SAMD3: variants seen among roughly 807,000 people sequenced by gnomAD.
SAMD3 encodes sterile alpha motif domain containing 3.
A neutral mutation model predicts 58.5 loss-of-function variants in SAMD3; 63 were observed. The ratio of observed to expected loss-of-function variants is 1.08; its 90% CI spans 0.88 to 1.33. The LOEUF (loss-of-function observed/expected upper bound fraction) is 1.33. Ranked by LOEUF, SAMD3 falls within the 40% of genes most tolerant of loss-of-function variation. SAMD3 has a pLI of 0.00. For synonymous variants in SAMD3, 220 were observed against 210.3 expected (o/e 1.05, Z -0.40); for missense variants, 604 against 608.4 (o/e 0.99, Z 0.08).
chr6:130,156,422 A>G (rs1232921151), intron 8 of SAMD3, among the ~76,000 whole-genome samples: 2 of 152,206 alleles, frequency 1.3e-5, no homozygotes, highest in Non-Finnish European at 2.9e-5. Flanking sequence ...GTAAGAAAGG[A>G]AAAGTGCAGT....
intron 5 of SAMD3, among the ~76,000 whole-genome samples, chr6:130,202,780 T>C (rs1794757021): frequency 6.6e-6 from 1 of 152,194 alleles, no homozygotes; most frequent in Non-Finnish European, 1.5e-5. Flanking sequence ...CCTTTAGGCA[T>C]GAGGTTCTAC....
intron 2 of SAMD3, among the ~76,000 whole-genome samples, chr6:130,265,401 C>T (rs1434712597): frequency 6.6e-6 from 1 of 152,152 alleles, no homozygotes. Flanking sequence ...CTGGTCCATG[C>T]ACGGCCGAAG....
Position 130,197,262 on chromosome 6 carries a change from C to T in SAMD3, c.383+12233G>A, listed in dbSNP as rs539725780. ...ACTGTGCCCCAAAAAACTTGTCATC[C>T]CTACTATCTTCTGTCTAGTCATACT... is the stretch of plus-strand genomic sequence containing the variant. On this transcript the variant is annotated intron_variant, in intron 5 of 11. Coordinates refer to ENST00000439090, the MANE Select transcript of SAMD3 (RefSeq NM_001017373.4). Among the ~76,000 whole-genome samples the T allele has an allele frequency of 9.9e-5, 15 of 152,282 alleles. No individual in the cohort carries two copies. The South Asian group carries it at 1.2e-3, about 13-fold the overall frequency.
chr6:130,171,471 C>T (rs1241780041), intron 8 of SAMD3, among the ~76,000 whole-genome samples: 2 of 152,134 alleles, frequency 1.3e-5, no homozygotes, highest in Non-Finnish European at 2.9e-5. Context: ...TCATTATTTA[C>T]CCAGTATCAT....
chr6:130,219,394 G>T (rs1195279177), intron 1 of SAMD3, among the ~76,000 whole-genome samples: 1 of 152,084 alleles, frequency 6.6e-6, no homozygotes, highest in Admixed American at 6.5e-5. Context: ...ACCTGCATAA[G>T]TTCTTTAGTG....
intron 2 of SAMD3, among the ~76,000 whole-genome samples, chr6:130,298,199 T>C (rs1775632040): frequency 6.6e-6 from 1 of 152,106 alleles, no homozygotes; most frequent in Admixed American, 6.5e-5. Context: ...GCAGAAACAT[T>C]ACAAACCAAA....
intron 2 of SAMD3, among the ~76,000 whole-genome samples, chr6:130,290,309 C>T (rs1466298786): frequency 3.3e-5 from 5 of 152,172 alleles, no homozygotes; most frequent in African/African-American, 9.6e-5. Flanking sequence ...CCCACACTTG[C>T]CGGCTGGAAA....
chr6:130,350,832 A>G (rs967251667), intron 1 of SAMD3, among the ~76,000 whole-genome samples: 15 of 152,330 alleles, frequency 9.8e-5, no homozygotes, highest in African/African-American at 2.9e-4. Context: ...ACTATACTAC[A>G]AGGCTACAGT....
At chr6:130,214,621 A>G (rs984698681) in intron 3 of SAMD3, 95 bp from the exon 4 acceptor site, 2 of 792,826 alleles carry the variant, frequency 2.5e-6, no homozygotes, top group Non-Finnish European at 1.9e-6. Context: ...TAAAAGGATC[A>G]TCTAAACTTG....
At chr6:130,363,041 C>T (rs1277293576) in intron 1 of SAMD3, among the ~76,000 whole-genome samples, 1 of 152,124 alleles carries the variant, frequency 6.6e-6, no homozygotes, top group African/African-American at 2.4e-5. Flanking sequence ...AGTTCATTTT[C>T]TTTATTGACT....
chr6:130,162,044 A>G, intron 8 of SAMD3: 1 of 464,386 alleles, frequency 2.2e-6, no homozygotes, highest in Non-Finnish European at 3.8e-6. Context: ...TGTAGGACTC[A>G]CCTTTGAGAT....
chr6:130,357,404 G>A (rs1338712402), intron 1 of SAMD3, among the ~76,000 whole-genome samples: 1 of 151,994 alleles, frequency 6.6e-6, no homozygotes, highest in African/African-American at 2.4e-5. Context: ...GATTACAGGC[G>A]TGAGCCACCA....
chr6:130,179,871 C>T (rs76574643), intron 7 of SAMD3, among the ~76,000 whole-genome samples: 4,281 of 137,140 alleles, frequency 0.031, 76 homozygotes, highest in Non-Finnish European at 0.033. Flanking sequence ...TAGAGTACGA[C>T]GACACTGATC....
chr6:130,354,062 A>G (rs1028921532), intron 1 of SAMD3, among the ~76,000 whole-genome samples: 2 of 152,242 alleles, frequency 1.3e-5, no homozygotes, highest in African/African-American at 2.4e-5. Flanking sequence ...GCCAACGAGC[A>G]TATGAAAACA....
intron 1 of SAMD3, among the ~76,000 whole-genome samples, chr6:130,340,048 T>A (rs1243845568): frequency 6.6e-6 from 1 of 152,232 alleles, no homozygotes; most frequent in East Asian, 1.9e-4. Context: ...TCTCCACTAA[T>A]CTTACTGAGG....
rs141929084 is a variant in SAMD3, at chr6:130,183,122, GA to G, written c.654+980del. 188 of 314,998 alleles carry G rather than the reference GA, an allele frequency of 6.0e-4. 1 individual carries two copies. The East Asian group carries it at 0.015, about 26-fold the overall frequency. The allele number at this position is 314,998 out of a possible 1,614,324, so 19.5% of individuals were successfully genotyped here. A position where few individuals can be genotyped will look rare whatever the true frequency, so the allele number is the denominator to read the frequency against. The stretch of plus-strand genomic sequence containing the variant: ...AGGTTCAAACAGCAAACTTTGTGTT[GA>G]AACGTCAGCGGCAGTGGTTCTCAGC... On this transcript the variant is annotated intron_variant, in intron 7 of 11. Coordinates refer to ENST00000439090, the MANE Select transcript of SAMD3 (RefSeq NM_001017373.4).
chr6:130,218,824 C>T (rs1265459735), intron 1 of SAMD3, among the ~76,000 whole-genome samples: 2 of 151,956 alleles, frequency 1.3e-5, no homozygotes, highest in African/African-American at 4.8e-5. Context: ...CAGAAAAAAA[C>T]GAGTCATGTT....
intron 2 of SAMD3, chr6:130,215,530 TCACCTTCTC>T: frequency 7.5e-7 from 1 of 1,334,138 alleles, no homozygotes; most frequent in South Asian, 2.3e-5. Flanking sequence ...TCAAATTTCT[TCACCTTCTC>T]CTACTTTTTT....
intron 2 of SAMD3, among the ~76,000 whole-genome samples, chr6:130,248,475 A>G (rs754478881): frequency 5.9e-5 from 9 of 152,080 alleles, no homozygotes; most frequent in Admixed American, 1.3e-4. Flanking sequence ...ACCCTAGAGG[A>G]GTCACCCTAC....
Sources: allele counts gnomAD v4.1 joint callset (sites outside exome capture counted in the v4.1 genomes callset), GRCh38; gene constraint gnomAD v4.1.1; transcripts MANE v1.5; gene names NCBI Gene and HGNC (gene_info 2026-07-23, HGNC 2026-07-21).